Variants in PDE8A observed in about 807,000 individuals in gnomAD.
PDE8A encodes phosphodiesterase 8A, also known as high affinity cAMP-specific and IBMX-insensitive 3',5'-cyclic phosphodiesterase 8A.
PDE8A carries 59 observed loss-of-function variants against 105.0 expected under a neutral mutation model. The ratio of observed to expected loss-of-function variants is 0.56; its 90% CI spans 0.46 to 0.70. The LOEUF (loss-of-function observed/expected upper bound fraction) is 0.70. Among genes scored for constraint, PDE8A ranks in the 30% least tolerant of loss-of-function variants. The pLI is 0.00. For synonymous variants in PDE8A, 355 were observed against 371.9 expected (o/e 0.95, Z 0.52); for missense variants, 1,014 against 1,045.9 (o/e 0.97, Z 0.42).
intron 11 of PDE8A, 59 bp downstream of exon 11, chr15:85,100,257 A>G: frequency 6.9e-7 from 1 of 1,452,900 alleles, no homozygotes; most frequent in East Asian, 2.3e-5. Flanking sequence ...AAAAAATAAA[A>G]ACAGATCTTT....
intron 1 of PDE8A, chr15:85,062,785 T>C (rs762081771): frequency 2.1e-4 from 32 of 152,326 alleles, no homozygotes; most frequent in South Asian, 2.1e-4. Flanking sequence ...ACGTCTTCAA[T>C]TGTTCCTAAA....
chr15:85,096,923 G>C (rs1360121348), intron 8 of PDE8A, among the ~76,000 whole-genome samples: 1 of 152,176 alleles, frequency 6.6e-6, no homozygotes, highest in Non-Finnish European at 1.5e-5. Context: ...CTGAAGATGA[G>C]CTCTTATCAT....
chr15:85,121,163 C>T (rs2082175903), intron 18 of PDE8A, 149 bp downstream of exon 18: 2 of 581,602 alleles, frequency 3.4e-6, no homozygotes, highest in Admixed American at 3.4e-5. Flanking sequence ...GCCTATAATC[C>T]CAGCACTTTG....
At chr15:85,050,697 C>G (rs2080959381) in intron 1 of PDE8A, among the ~76,000 whole-genome samples, 1 of 152,160 alleles carries the variant, frequency 6.6e-6, no homozygotes, top group African/African-American at 2.4e-5. Context: ...GCTAGTACCA[C>G]ATTATTTTGA....
chr15:85,122,451 G>A (rs555549602), intron 18 of PDE8A, among the ~76,000 whole-genome samples: 47 of 152,280 alleles, frequency 3.1e-4, no homozygotes, highest in Admixed American at 1.3e-3. Flanking sequence ...AGTTAAAGTA[G>A]TTTCTATTCA....
chr15:85,130,848 C>T (rs1193170319), intron 20 of PDE8A, among the ~76,000 whole-genome samples: 1 of 152,188 alleles, frequency 6.6e-6, no homozygotes, highest in Non-Finnish European at 1.5e-5. Flanking sequence ...CAACCTCTGC[C>T]TCCCAGGTTC....
intron 3 of PDE8A, among the ~76,000 whole-genome samples, chr15:85,074,870 C>G (rs2141478851): frequency 6.6e-6 from 1 of 152,300 alleles, no homozygotes; most frequent in Middle Eastern, 3.4e-3. Flanking sequence ...CTGTGCCATC[C>G]TAGACACATT....
chr15:85,094,677 T>TC (rs1198264533), intron 8 of PDE8A, among the ~76,000 whole-genome samples: 1 of 152,182 alleles, frequency 6.6e-6, no homozygotes, highest in African/African-American at 2.4e-5. Context: ...GATCCCTTCC[T>TC]CCCCGTTGGT....
At chr15:85,017,270 A>T (rs1241519467) in intron 1 of PDE8A, among the ~76,000 whole-genome samples, 3 of 151,734 alleles carry the variant, frequency 2.0e-5, no homozygotes, top group Non-Finnish European at 2.9e-5. Context: ...TCCAAAAAAA[A>T]AAAAAATAAA....
chr15:85,076,209 G>A (rs1304237679), intron 4 of PDE8A, among the ~76,000 whole-genome samples: 1 of 152,042 alleles, frequency 6.6e-6, no homozygotes, highest in Admixed American at 6.5e-5. Flanking sequence ...TATCTTCCTA[G>A]GGCCTTCTAA....
intron 1 of PDE8A, among the ~76,000 whole-genome samples, chr15:84,987,465 C>CTT (rs10656480): frequency 0.018 from 1,701 of 92,408 alleles, 82 homozygotes; most frequent in African/African-American, 0.074. Flanking sequence ...GGATTGGTTC[C>CTT]TTTTTTTTTT....
rs374190094 is a variant in PDE8A, at chr15:85,067,696, A to G, written c.434+492A>G. On this transcript the variant is annotated intron_variant, in intron 3 of 21. Coordinates refer to ENST00000394553, the MANE Select transcript of PDE8A (RefSeq NM_002605.3). ...GGAAGCAAGGCAAATATAAAATTTTATGACATATTAATTTTAAGGACATTT... is the reference window on the plus strand; with the variant it reads ...GGAAGCAAGGCAAATATAAAATTTTGTGACATATTAATTTTAAGGACATTT... Among the ~76,000 whole-genome samples, 7 of 152,224 alleles carry G rather than the reference A, an allele frequency of 4.6e-5. No individual in the cohort carries two copies. The East Asian group carries it at 9.6e-4, about 21-fold the overall frequency.
chr15:85,064,701 C>T (rs1411555085), intron 2 of PDE8A, among the ~76,000 whole-genome samples: 3 of 152,144 alleles, frequency 2.0e-5, no homozygotes, highest in African/African-American at 7.2e-5. Flanking sequence ...TGCCTATAAT[C>T]CCAGCACTTT....
chr15:85,035,249 C>T (rs1455899148), intron 1 of PDE8A, among the ~76,000 whole-genome samples: 2 of 139,526 alleles, frequency 1.4e-5, no homozygotes, highest in African/African-American at 5.4e-5. Context: ...CCTCTTGTCA[C>T]CCAGGCTGGA....
chr15:85,091,910 T>TG (rs1026264218), intron 8 of PDE8A, among the ~76,000 whole-genome samples: 1 of 150,476 alleles, frequency 6.6e-6, no homozygotes, highest in Non-Finnish European at 1.5e-5. Flanking sequence ...ACTTTTTTTT[T>TG]TTTTTTTTTT....
At chr15:85,115,518 A>G (rs770146821) in intron 15 of PDE8A, 31 bp downstream of exon 15, 106 of 1,164,722 alleles carry the variant, frequency 9.1e-5, no homozygotes, top group Non-Finnish European at 1.3e-4. Flanking sequence ...TTCTTAGATC[A>G]CTGTCTATAA....
chr15:85,038,943 GA>G (rs1315603256), intron 1 of PDE8A, among the ~76,000 whole-genome samples: 1 of 152,038 alleles, frequency 6.6e-6, no homozygotes, highest in Non-Finnish European at 1.5e-5. Flanking sequence ...CCAACATGGA[GA>G]AACCCCGTCT....
At chr15:85,108,769 C>T (rs2081981108) in intron 11 of PDE8A, among the ~76,000 whole-genome samples, 1 of 151,978 alleles carries the variant, frequency 6.6e-6, no homozygotes, top group Non-Finnish European at 1.5e-5. Flanking sequence ...GAGAAATTCT[C>T]CTGAGGTCAT....
intron 1 of PDE8A, among the ~76,000 whole-genome samples, chr15:85,005,751 G>A (rs889374950): frequency 6.6e-6 from 1 of 152,086 alleles, no homozygotes; most frequent in African/African-American, 2.4e-5. Context: ...GGAGAGTGGG[G>A]ACAACCTCAG....
Sources: allele counts gnomAD v4.1 joint callset (sites outside exome capture counted in the v4.1 genomes callset), GRCh38; gene constraint gnomAD v4.1.1; transcripts MANE v1.5; gene names NCBI Gene and HGNC (gene_info 2026-07-23, HGNC 2026-07-21).